The following RSRC1 variants were observed in gnomAD, a reference collection of about 807,000 sequenced individuals.
RSRC1 encodes arginine and serine rich coiled-coil 1, also known as serine/Arginine-related protein 53.
RSRC1 carries 39 observed loss-of-function variants against 49.1 expected under a neutral mutation model. That is an observed-to-expected ratio of 0.79 (90% CI 0.61 to 1.04). The LOEUF is 1.04. RSRC1 is among the 50% of genes least tolerant of loss of function. The pLI, the probability that RSRC1 is intolerant of heterozygous loss-of-function variation, is 0.00. For missense variants in RSRC1, 388 were observed against 402.4 expected, an observed-to-expected ratio of 0.96 and a Z score of 0.31; for synonymous variants, 143 against 130.8, an observed-to-expected ratio of 1.09 and a Z score of -0.63.
chr3:158,159,114 C>T (rs1452675111), intron 3 of RSRC1, among the ~76,000 whole-genome samples: 2 of 152,090 alleles, frequency 1.3e-5, no homozygotes, highest in Admixed American at 6.6e-5. Flanking sequence ...TGTAGTTTGG[C>T]TGGCCTGGCC....
intron 6 of RSRC1, among the ~76,000 whole-genome samples, chr3:158,410,561 C>T (rs1368868428): frequency 6.6e-6 from 1 of 152,066 alleles, no homozygotes. Flanking sequence ...ATGGTCAGAC[C>T]GTATCTGTTT....
At chr3:158,112,833 TC>T (rs200871298) in intron 1 of RSRC1, among the ~76,000 whole-genome samples, 4,350 of 152,182 alleles carry the variant, frequency 0.029, 216 homozygotes, top group African/African-American at 0.1. Flanking sequence ...TGTGTGTTGT[TC>T]CCCTCCCAGG....
At chr3:158,322,398 C>T (rs1290881139) in intron 5 of RSRC1, among the ~76,000 whole-genome samples, 1 of 152,116 alleles carries the variant, frequency 6.6e-6, no homozygotes, top group Non-Finnish European at 1.5e-5. Context: ...CCTGTCCCCC[C>T]AGCCCACCGC....
At position 158,543,318 on chromosome 3, in the gene RSRC1, T is replaced by C. The variant is rs1038828500; in HGVS notation, c.760-17T>C. The C allele has an allele frequency of 2.0e-6, 3 of 1,510,312 alleles. No homozygotes were observed. Among genetic ancestry groups the C allele is most frequent in the East Asian group, 2.4e-5 (1 of 40,894 alleles). 93.6% of individuals were successfully genotyped at this position (1,510,312 alleles called of 1,614,324 possible). ...ATTGTGTATTGTGTTGAAATTAATA[T>C]GTGTTGTTTCTTTCAGTCAGTGGAA... On this transcript the variant is annotated splice_polypyrimidine_tract_variant and intron_variant, in intron 8 of 9. Coordinates refer to ENST00000611884, the MANE Select transcript of RSRC1 (RefSeq NM_001271838.2).
intron 7 of RSRC1, among the ~76,000 whole-genome samples, chr3:158,522,942 C>T (rs1307243540): frequency 6.6e-6 from 1 of 152,088 alleles, no homozygotes; most frequent in Non-Finnish European, 1.5e-5. Context: ...TTGGCATCAA[C>T]ATTGTTTTTA....
At chr3:158,291,105 G>A (rs1029871993) in intron 4 of RSRC1, among the ~76,000 whole-genome samples, 9 of 152,186 alleles carry the variant, frequency 5.9e-5, no homozygotes, top group Non-Finnish European at 8.8e-5. Flanking sequence ...GGAGCCTGAG[G>A]ATGGAGGGCC....
intron 5 of RSRC1, among the ~76,000 whole-genome samples, chr3:158,338,044 G>A (rs1227337191): frequency 6.6e-6 from 1 of 152,206 alleles, no homozygotes; most frequent in Non-Finnish European, 1.5e-5. Context: ...CACTGAGGAG[G>A]TAATAGTATT....
At chr3:158,181,262 A>G (rs1559932351) in intron 3 of RSRC1, among the ~76,000 whole-genome samples, 1 of 152,186 alleles carries the variant, frequency 6.6e-6, no homozygotes, top group Non-Finnish European at 1.5e-5. Flanking sequence ...GGCTCTGAGG[A>G]CAAGGGAACA....
At chr3:158,355,070 T>C (rs2108239840) in intron 6 of RSRC1, 162 bp downstream of exon 6, 1 of 461,290 alleles carries the variant, frequency 2.2e-6, no homozygotes. Flanking sequence ...ATCTGAAATA[T>C]TTATTGCCGC....
At chr3:158,413,709 T>C (rs1734592336) in intron 6 of RSRC1, among the ~76,000 whole-genome samples, 1 of 152,008 alleles carries the variant, frequency 6.6e-6, no homozygotes, top group Non-Finnish European at 1.5e-5. Flanking sequence ...AAGAAGACAT[T>C]TATGTGGCCA....
intron 6 of RSRC1, among the ~76,000 whole-genome samples, chr3:158,382,699 G>A (rs1201816122): frequency 6.6e-6 from 1 of 152,188 alleles, no homozygotes; most frequent in East Asian, 1.9e-4. Flanking sequence ...AAATTTGAAT[G>A]TCACTCTGAC....
chr3:158,236,948 T>C (rs1247379139), intron 4 of RSRC1, among the ~76,000 whole-genome samples: 1 of 152,168 alleles, frequency 6.6e-6, no homozygotes, highest in Non-Finnish European at 1.5e-5. Flanking sequence ...AAACTAGTCT[T>C]AGAATTGCAG....
intron 3 of RSRC1, among the ~76,000 whole-genome samples, chr3:158,125,981 A>T (rs1049603225): frequency 7.9e-5 from 12 of 151,868 alleles, no homozygotes; most frequent in African/African-American, 2.9e-4. Context: ...ACAGTCTTTG[A>T]CTTAAAGTCT....
chr3:158,247,975 A>G (rs1450067766), intron 4 of RSRC1, among the ~76,000 whole-genome samples: 3 of 152,226 alleles, frequency 2.0e-5, no homozygotes, highest in Non-Finnish European at 4.4e-5. Flanking sequence ...TAGAGAACCC[A>G]GAAATAAGAC....
chr3:158,379,814 G>GCA (rs140953408), intron 6 of RSRC1, among the ~76,000 whole-genome samples: 10,719 of 146,880 alleles, frequency 0.073, 1,290 homozygotes, highest in African/African-American at 0.25. Flanking sequence ...ACACGCGCAT[G>GCA]CACACACACA....
intron 7 of RSRC1, among the ~76,000 whole-genome samples, chr3:158,464,997 G>A (rs1737808696): frequency 6.6e-6 from 1 of 151,994 alleles, no homozygotes; most frequent in South Asian, 2.1e-4. Context: ...CTTATCCTTT[G>A]CCTTCCTCTC....
chr3:158,113,653 C>T (rs952282906), intron 1 of RSRC1, among the ~76,000 whole-genome samples: 3 of 152,116 alleles, frequency 2.0e-5, no homozygotes, highest in Non-Finnish European at 4.4e-5. Context: ...AGGTGTGAGC[C>T]ACTGTGCCAG....
chr3:158,303,796 A>G (rs570490230), intron 5 of RSRC1, among the ~76,000 whole-genome samples: 54 of 152,306 alleles, frequency 3.5e-4, no homozygotes, highest in African/African-American at 1.2e-3. Flanking sequence ...GGGGCAAAAA[A>G]TTCATCTTAT....
intron 6 of RSRC1, among the ~76,000 whole-genome samples, chr3:158,431,444 A>C (rs1410331230): frequency 1.3e-5 from 2 of 151,956 alleles, no homozygotes; most frequent in Non-Finnish European, 2.9e-5. Flanking sequence ...TAAGTTATTT[A>C]GAAAGTTTTC....
Sources: allele counts gnomAD v4.1 joint callset (sites outside exome capture counted in the v4.1 genomes callset), GRCh38; gene constraint gnomAD v4.1.1; transcripts MANE v1.5; gene names NCBI Gene and HGNC (gene_info 2026-07-23, HGNC 2026-07-21).